The following GARS1 variants were observed in gnomAD, a reference collection of about 807,000 sequenced individuals.
GARS1 encodes the protein glycine--tRNA ligase.
A neutral mutation model predicts 86.4 loss-of-function variants in GARS1; 46 were observed. The ratio of observed to expected loss-of-function variants is 0.53; its 90% CI spans 0.42 to 0.68. The LOEUF is 0.68. Among genes scored for constraint, GARS1 ranks in the 30% least tolerant of loss-of-function variants. The pLI, the probability that GARS1 is intolerant of heterozygous loss-of-function variation, is 0.00. For synonymous variants in GARS1, 342 were observed against 329.8 expected, an observed-to-expected ratio of 1.04 and a Z score of -0.40; for missense variants, 797 against 915.6, an observed-to-expected ratio of 0.87 and a Z score of 1.67.
intron 12 of GARS1, 41 bp from the exon 13 acceptor site, chr7:30,626,193 C>T: frequency 8.0e-7 from 1 of 1,250,314 alleles, no homozygotes; most frequent in Non-Finnish European, 1.2e-6. Context: ...GCACAGGGTG[C>T]CTGTTTGAAC....
rs1562776203 is a variant in GARS1 at position 30,612,255 on chromosome 7, A to G, written c.1031+10A>G. ...GACTGATCAGAGTCAGGTACTGCTCAGGTTACTCTTACAAATTAGTGAATG... is the reference window on the plus strand; with the variant it reads ...GACTGATCAGAGTCAGGTACTGCTCGGGTTACTCTTACAAATTAGTGAATG... On this transcript the variant is annotated intron_variant, in intron 8 of 16. Transcript: ENST00000389266. 6.2e-7 allele frequency: 1 copy of G among 1,613,458 alleles called. No homozygotes were observed. The highest frequency in any genetic ancestry group is 8.5e-7 in the Non-Finnish European group (1 of 1,179,374).
At chr7:30,626,367 TTTG>T (rs752332405) in intron 13 of GARS1, 48 bp downstream of exon 13, 3 of 1,148,482 alleles carry the variant, frequency 2.6e-6, no homozygotes, top group South Asian at 2.5e-5. Context: ...CCTTAAAGCT[TTTG>T]TTGTTGTTTG....
At chr7:30,598,947 C>A (rs1336454136) in intron 2 of GARS1, 50 bp downstream of exon 2, 2 of 1,414,894 alleles carry the variant, frequency 1.4e-6, no homozygotes, top group South Asian at 2.3e-5. Context: ...TAGGATTGTT[C>A]ATCTTTAATT....
At chr7:30,619,904 A>C (rs1347120000) in intron 10 of GARS1, among the ~76,000 whole-genome samples, 2 of 150,978 alleles carry the variant, frequency 1.3e-5, no homozygotes, top group Non-Finnish European at 3.0e-5. Flanking sequence ...CGGCCTCCCA[A>C]ATAGCTGGGA....
intron 1 of GARS1, 79 bp downstream of exon 1, chr7:30,595,222 C>A: frequency 7.9e-7 from 1 of 1,261,204 alleles, no homozygotes; most frequent in Non-Finnish European, 1.1e-6. Flanking sequence ...CCCTCCTCCC[C>A]GGGGAACTGT....
At chr7:30,617,411 C>G in intron 10 of GARS1, 133 bp downstream of exon 10, 1 of 1,092,490 alleles carries the variant, frequency 9.2e-7, no homozygotes, top group Non-Finnish European at 1.3e-6. Flanking sequence ...CTGAGCAAAA[C>G]AGAAAAAGCA....
At chr7:30,597,234 G>A (rs1791271330) in intron 1 of GARS1, among the ~76,000 whole-genome samples, 1 of 152,148 alleles carries the variant, frequency 6.6e-6, no homozygotes, top group Non-Finnish European at 1.5e-5. Flanking sequence ...TGTTTTCCAG[G>A]TGACCAATGC....
intron 8 of GARS1, among the ~76,000 whole-genome samples, chr7:30,613,106 A>C (rs765702504): frequency 1.5e-4 from 23 of 152,206 alleles, no homozygotes; most frequent in Admixed American, 9.8e-4. Flanking sequence ...AACATAGCCC[A>C]GTCACTGACT....
chr7:30,622,614 C>T, intron 12 of GARS1, 152 bp downstream of exon 12: 1 of 880,906 alleles, frequency 1.1e-6, no homozygotes. Context: ...GAGATTTTGG[C>T]ATTATAGCCT....
At chr7:30,626,551 A>G (rs1783131836) in intron 13 of GARS1, among the ~76,000 whole-genome samples, 1 of 152,182 alleles carries the variant, frequency 6.6e-6, no homozygotes, top group Non-Finnish European at 1.5e-5. Context: ...GGTTTTTGCC[A>G]TGTTGCCCAG....
intron 8 of GARS1, chr7:30,614,363 T>C (rs1409027053): frequency 2.0e-5 from 3 of 152,120 alleles, no homozygotes; most frequent in African/African-American, 7.2e-5. Context: ...GGCAGCAGCA[T>C]TTTGGAGATT....
chr7:30,619,783 T>TC (rs1324185980), intron 10 of GARS1, among the ~76,000 whole-genome samples: 11 of 139,418 alleles, frequency 7.9e-5, no homozygotes, highest in Non-Finnish European at 1.6e-4. Context: ...TTTCTTTTTT[T>TC]TTTTTTTTTT....
At chr7:30,625,493 G>T (rs983354133) in intron 12 of GARS1, among the ~76,000 whole-genome samples, 3 of 152,090 alleles carry the variant, frequency 2.0e-5, no homozygotes, top group African/African-American at 7.2e-5. Flanking sequence ...CCACATGAGG[G>T]CTCTCTATCC....
rs1791556719 is a variant in GARS1 at position 30,609,646 on chromosome 7, C to T, written c.797C>T (p.Pro266Leu). Residue 266 changes from proline (P) to leucine (L), a missense_variant, in exon 7 of 17, where the codon CCC becomes CTC. This residue lies in a region of GARS1 where 598 missense variants were observed against 738.7 expected (regional missense o/e 0.81). Transcript: ENST00000389266. ...DLFVNYNVKS[P>L]ITGNDLSPPV... is the part of the protein sequence containing the mutation. ...TTTGTGAACTATAATGTAAAATCTC[C>T]CATTACTGGAAATGATCTATCCCCT... 6 of 1,612,280 alleles carry T rather than the reference C, an allele frequency of 3.7e-6. No homozygotes were observed. In the South Asian group the frequency reaches 4.4e-5, roughly 12 times the overall value.
chr7:30,603,694 A>C, intron 6 of GARS1, 122 bp downstream of exon 6: 5 of 759,698 alleles, frequency 6.6e-6, no homozygotes, highest in Non-Finnish European at 1.2e-5. Flanking sequence ...AGCAGAGGTT[A>C]ATTCTGTCCT....
chr7:30,601,207 T>A lies in GARS1; in HGVS notation c.569+7T>A. ...CCCCTGAGCCAGTTTTAAAGTGAGATCTTACTTTGGAGTGGGGGTATCCTA... is the reference window on the plus strand; with the variant it reads ...CCCCTGAGCCAGTTTTAAAGTGAGAACTTACTTTGGAGTGGGGGTATCCTA... On this transcript the variant is annotated splice_region_variant and intron_variant, in intron 4 of 16. Transcript: ENST00000389266. The A allele has an allele frequency of 1.2e-6, 2 of 1,613,344 alleles. No homozygotes were observed. Among genetic ancestry groups the A allele is most frequent in the Non-Finnish European group, 1.7e-6 (2 of 1,179,412 alleles).
chr7:30,608,690 T>C (rs1374801238), intron 6 of GARS1, among the ~76,000 whole-genome samples: 1 of 152,196 alleles, frequency 6.6e-6, no homozygotes, highest in Admixed American at 6.5e-5. Context: ...ATGTACCAGG[T>C]CCTGCCTGTG....
Position 30,617,138 on chromosome 7 carries a change from G to C in GARS1, c.1219G>C (p.Gly407Arg). The change falls in exon 10 of 17, where the codon GGC (glycine) becomes CGC (arginine). Residue 407 changes from glycine (G) to arginine (R), a missense_variant. Physicochemically the swap from Gly to Arg is moderately radical, Grantham distance 125. This residue lies in a region of GARS1 where 598 missense variants were observed against 738.7 expected (regional missense o/e 0.81). Coordinates refer to ENST00000389266, the MANE Select transcript of GARS1 (RefSeq NM_002047.4). ...GGGTGTGATTAATAACACAGTATTA[G>C]GCTATTTCATTGGCCGCATCTACCT... ...EQGVINNTVLGYFIGRIYLYL... is the reference protein window; with the variant it reads ...EQGVINNTVLRYFIGRIYLYL... 6.2e-7 allele frequency: 1 copy of C among 1,614,082 alleles called. No homozygotes were observed. Among genetic ancestry groups the C allele is most frequent in the Non-Finnish European group, 8.5e-7 (1 of 1,179,998 alleles).
intron 1 of GARS1, 142 bp from the exon 2 acceptor site, chr7:30,598,654 T>C (rs1161721331): frequency 1.4e-6 from 1 of 697,628 alleles, no homozygotes; most frequent in South Asian, 1.5e-5. Context: ...AAAGTGCTGG[T>C]ATTACAGGCG....
Sources: allele counts gnomAD v4.1 joint callset (sites outside exome capture counted in the v4.1 genomes callset), GRCh38; gene constraint gnomAD v4.1.1; regional missense constraint gnomAD v4.1.1; transcripts MANE v1.5; gene names NCBI Gene and HGNC (gene_info 2026-07-23, HGNC 2026-07-21).